Variants in DYSF observed in about 807,000 individuals in gnomAD.
The protein encoded by DYSF is dystrophy-associated fer-1-like 1.
A neutral mutation model predicts 274.9 loss-of-function variants in DYSF; 212 were observed. That is an observed-to-expected ratio of 0.77 (90% CI 0.69 to 0.86). The LOEUF (loss-of-function observed/expected upper bound fraction) is 0.86. Ranked by LOEUF, DYSF falls within the 40% of genes least tolerant of loss-of-function variation. The pLI is 0.00. For synonymous variants in DYSF, 1,091 were observed against 1,078.7 expected (o/e 1.01, Z -0.22); for missense variants, 2,666 against 2,783.2 (o/e 0.96, Z 0.95).
chr2:71,629,300 T>C, intron 41 of DYSF, among the ~76,000 whole-genome samples: 1 of 152,228 alleles, frequency 6.6e-6, no homozygotes, highest in East Asian at 1.9e-4. Context: ...ATTCCCCCAA[T>C]CTGCTTGTTT....
At chr2:71,617,779 GGTGTGTGTGTGGTAGAGGTGGGGTATA>G (rs2093929610) in intron 40 of DYSF, among the ~76,000 whole-genome samples, 1 of 106,656 alleles carries the variant, frequency 9.4e-6, no homozygotes. Context: ...TGGTAGAGGT[GGTGTGTGTGTGGTAGAGGTGGGGTATA>G]TGTGTGTGTG....
intron 24 of DYSF, among the ~76,000 whole-genome samples, chr2:71,564,714 G>T (rs1044656989): frequency 1.3e-5 from 2 of 152,218 alleles, no homozygotes; most frequent in Non-Finnish European, 2.9e-5. Context: ...ACCCACTGGA[G>T]AGCTGGGAGC....
intron 42 of DYSF, among the ~76,000 whole-genome samples, chr2:71,649,517 G>A (rs1462462334): frequency 6.6e-6 from 1 of 152,020 alleles, no homozygotes; most frequent in Non-Finnish European, 1.5e-5. Context: ...TGCTACAGTA[G>A]GGACCCCATA....
intron 50 of DYSF, 56 bp from the exon 51 acceptor site, chr2:71,669,549 A>G: frequency 1.9e-6 from 3 of 1,608,230 alleles, no homozygotes; most frequent in Non-Finnish European, 1.7e-6. Flanking sequence ...TTGACGATGT[A>G]TATACTGTGT....
intron 10 of DYSF, among the ~76,000 whole-genome samples, chr2:71,518,945 T>C (rs1169360071): frequency 6.6e-6 from 1 of 151,510 alleles, no homozygotes; most frequent in Non-Finnish European, 1.5e-5. Flanking sequence ...ATACAAAAAT[T>C]AGCTGGGCAT....
chr2:71,517,111 G>T, intron 10 of DYSF, 72 bp downstream of exon 10: 1 of 1,395,330 alleles, frequency 7.2e-7, no homozygotes, highest in Non-Finnish European at 1.0e-6. Context: ...GTGGACCATG[G>T]GCAGGGGCTC....
At chr2:71,669,858 C>A (rs1393666106) in intron 51 of DYSF, 112 bp downstream of exon 51, 1 of 1,438,510 alleles carries the variant, frequency 7.0e-7, no homozygotes, top group East Asian at 2.3e-5. Context: ...GCTGCCCCAC[C>A]ATGTTGGAGC....
At chr2:71,634,031 T>G (rs1468705748) in intron 41 of DYSF, among the ~76,000 whole-genome samples, 9 of 152,146 alleles carry the variant, frequency 5.9e-5, no homozygotes, top group Admixed American at 5.9e-4. Flanking sequence ...CCTGGAGAAA[T>G]AGATCTCCGC....
At chr2:71,480,805 C>A in intron 1 of DYSF, 78 bp from the exon 2 acceptor site, 1 of 1,362,808 alleles carries the variant, frequency 7.3e-7, no homozygotes, top group South Asian at 1.2e-5. Context: ...AAGCACAGGT[C>A]TCAGAAGCTG....
Position 71,475,791 on chromosome 2 carries a change from C to A in DYSF, c.92-5092C>A, listed in dbSNP as rs2082351660. Among the ~76,000 whole-genome samples the A allele has an allele frequency of 2.6e-5, 4 of 152,148 alleles. No individual in the cohort carries two copies. The South Asian group carries it at 6.2e-4, about 24-fold the overall frequency. ...AAGAGATTATTTTATTTTTTAGAGACAGGGTCTTGCTCTGTTGCCCAGGCT... is the reference window on the plus strand; with the variant it reads ...AAGAGATTATTTTATTTTTTAGAGAAAGGGTCTTGCTCTGTTGCCCAGGCT... On this transcript the variant is annotated intron_variant, in intron 1 of 55. Coordinates refer to ENST00000410020, the MANE Select transcript of DYSF (RefSeq NM_001130987.2).
intron 54 of DYSF, among the ~76,000 whole-genome samples, chr2:71,681,942 G>A (rs536023643): frequency 6.6e-5 from 10 of 152,338 alleles, no homozygotes; most frequent in East Asian, 1.9e-4. Flanking sequence ...AGAGAGACCC[G>A]TGAGACACCA....
At chr2:71,513,443 C>A in intron 6 of DYSF, 111 bp downstream of exon 6, 3 of 1,185,956 alleles carry the variant, frequency 2.5e-6, no homozygotes, top group Non-Finnish European at 2.4e-6. Flanking sequence ...ACTCCTCCTG[C>A]AGGACTTGGC....
chr2:71,527,398 A>G (rs1465837477), intron 13 of DYSF, among the ~76,000 whole-genome samples: 1 of 152,230 alleles, frequency 6.6e-6, no homozygotes, highest in African/African-American at 2.4e-5. Flanking sequence ...ACTTAGATCA[A>G]ATCCTGAAGA....
chr2:71,537,055 C>T (rs752734467), intron 16 of DYSF, among the ~76,000 whole-genome samples: 1 of 152,090 alleles, frequency 6.6e-6, no homozygotes, highest in Non-Finnish European at 1.5e-5. Context: ...CTTCCCTCCT[C>T]TCCCAATTCA....
chr2:71,561,305 A>G (rs2091738511), intron 22 of DYSF, among the ~76,000 whole-genome samples: 1 of 152,202 alleles, frequency 6.6e-6, no homozygotes, highest in African/African-American at 2.4e-5. Context: ...TCCTTGAAGA[A>G]TGTGGACACA....
chr2:71,511,775 C>A (rs2152728509), intron 4 of DYSF, 32 bp from the exon 5 acceptor site: 1 of 1,374,528 alleles, frequency 7.3e-7, no homozygotes, highest in East Asian at 2.5e-5. Flanking sequence ...GGCCAGCGCA[C>A]CAACCTGTCC....
chr2:71,611,791 A>C (rs1269610269), intron 38 of DYSF, among the ~76,000 whole-genome samples, 165 bp downstream of exon 38: 1 of 152,120 alleles, frequency 6.6e-6, no homozygotes, highest in Non-Finnish European at 1.5e-5. Flanking sequence ...TCCTCACTGG[A>C]AGGGTTCAGG....
chr2:71,496,281 C>T (rs948431927), intron 3 of DYSF, among the ~76,000 whole-genome samples: 2 of 152,116 alleles, frequency 1.3e-5, no homozygotes, highest in Non-Finnish European at 2.9e-5. Context: ...CCCCTTGAGC[C>T]CAGGAGTTTG....
At chr2:71,515,386 A>G (rs2086548363) in intron 7 of DYSF, among the ~76,000 whole-genome samples, 1 of 152,206 alleles carries the variant, frequency 6.6e-6, no homozygotes, top group Non-Finnish European at 1.5e-5. Context: ...TAATGTGGGT[A>G]GCCGACGAGG....
Sources: allele counts gnomAD v4.1 joint callset (sites outside exome capture counted in the v4.1 genomes callset), GRCh38; gene constraint gnomAD v4.1.1; transcripts MANE v1.5; gene names NCBI Gene and HGNC (gene_info 2026-07-23, HGNC 2026-07-21).